The following LZTR1 variants were observed in gnomAD, a reference collection of about 807,000 sequenced individuals.
LZTR1 encodes leucine zipper like post translational regulator 1.
In LZTR1, 260 loss-of-function variants were observed where a neutral mutation model predicts 105.7. That is an observed-to-expected ratio of 2.46 (90% CI 2.22 to 2.72). LZTR1 has a LOEUF of 2.72. Ranked by LOEUF, LZTR1 falls within the 30% of genes most tolerant of loss-of-function variation. LZTR1 has a pLI of 0.00. For missense variants in LZTR1, 1,214 were observed against 1,166.9 expected (o/e 1.04, Z -0.59); for synonymous variants, 490 against 476.4 (o/e 1.03, Z -0.37).
intron 5 of LZTR1, 130 bp from the exon 6 acceptor site, chr22:20,988,659 C>T (rs1188686541): frequency 1.0e-5 from 7 of 686,252 alleles, no homozygotes. Flanking sequence ...TGTGGAGGTC[C>T]TGAAGCCCCA....
intron 11 of LZTR1, 33 bp from the exon 12 acceptor site, chr22:20,993,629 G>A (rs757663741): frequency 1.5e-5 from 24 of 1,585,972 alleles, no homozygotes; most frequent in Non-Finnish European, 1.9e-5. Context: ...CCTGCTGTCT[G>A]CAACATCTAG....
rs367767120 is a variant in LZTR1 at position 20,987,549 on chromosome 22, G to C, written c.366G>C (p.Ser122=). The C allele has an allele frequency of 6.2e-7, 1 of 1,614,060 alleles. No individual in the cohort carries two copies. The highest frequency in any genetic ancestry group is 1.1e-5 in the South Asian group (1 of 91,070). Residue 122 remains serine, a synonymous_variant, in exon 4 of 21, where the codon TCG becomes TCC. Coordinates refer to ENST00000646124, the MANE Select transcript of LZTR1 (RefSeq NM_006767.4). ...CACCGGCCCCCCGTTACCACCACTC[G>C]GCCGTCGTCTATGGGAGCAGCATGT... ...GTPPAPRYHH[S]AVVYGSSMFV...
intron 11 of LZTR1, 99 bp from the exon 12 acceptor site, chr22:20,993,563 C>A: frequency 1.0e-6 from 1 of 968,468 alleles, no homozygotes; most frequent in Non-Finnish European, 1.6e-6. Flanking sequence ...CCCTGAGGGT[C>A]AGCATGGGCC....
chr22:20,988,999 G>A, intron 6 of LZTR1, 127 bp downstream of exon 6: 1 of 790,636 alleles, frequency 1.3e-6, no homozygotes, highest in Non-Finnish European at 2.1e-6. Context: ...GTGCCACTCT[G>A]TCTGGGGGTT....
chr22:20,987,977 TG>T, intron 4 of LZTR1, 32 bp from the exon 5 acceptor site: 2 of 1,316,660 alleles, frequency 1.5e-6, no homozygotes, highest in Non-Finnish European at 2.2e-6. Context: ...GACTGCCCTT[TG>T]GGTTTGACAG....
In LZTR1 at chr22:20,992,843, T is replaced by G; in HGVS notation, c.1199T>G (p.Met400Arg). The G allele has an allele frequency of 1.2e-6, 2 of 1,610,234 alleles. No individual in the cohort carries two copies. Among genetic ancestry groups the G allele is most frequent in the Non-Finnish European group, 1.7e-6 (2 of 1,178,454 alleles). The change falls in exon 11 of 21, where the codon ATG becomes AGG. Residue 400 changes from methionine to arginine, a missense_variant. Coordinates refer to ENST00000646124, the MANE Select transcript of LZTR1 (RefSeq NM_006767.4). ...FHAAAVISDA[M>R]YIFGGTVDNN... Reference sequence around the variant, plus strand: ...GCGGCTGCTGTCATCTCGGACGCCATGTACATCTTCGGGGGCACGGTGGAC... The same window carrying G: ...GCGGCTGCTGTCATCTCGGACGCCAGGTACATCTTCGGGGGCACGGTGGAC...
intron 6 of LZTR1, 82 bp from the exon 7 acceptor site, chr22:20,989,543 C>T: frequency 1.7e-6 from 2 of 1,147,586 alleles, no homozygotes; most frequent in Non-Finnish European, 2.6e-6. Flanking sequence ...GGGCTCCTCC[C>T]TGCAGCCATC....
chr22:20,986,936 A>C (rs1317306947), intron 3 of LZTR1: 1 of 152,232 alleles, frequency 6.6e-6, no homozygotes, highest in Non-Finnish European at 1.5e-5. Flanking sequence ...ATGGAAGCCT[A>C]AGTATGCGTA....
intron 10 of LZTR1, 100 bp from the exon 11 acceptor site, chr22:20,992,694 A>G (rs910608263): frequency 8.3e-5 from 66 of 792,540 alleles, no homozygotes; most frequent in Non-Finnish European, 1.2e-4. Flanking sequence ...CTGGCCCTTC[A>G]TGGCCATGAG....
Position 20,991,597 on chromosome 22 carries a change from C to T in LZTR1, c.792-31C>T. ...CCGAGGGTGAGCAGGAGCCCCTGTCCCAGCATTGATTCACTGTTGTGTACC... is the reference window on the plus strand; with the variant it reads ...CCGAGGGTGAGCAGGAGCCCCTGTCTCAGCATTGATTCACTGTTGTGTACC... On this transcript the variant is annotated intron_variant, in intron 8 of 20. Transcript: ENST00000646124. 4 of 1,510,050 alleles carry T rather than the reference C, an allele frequency of 2.6e-6. No homozygotes were observed. The South Asian group carries it at 4.9e-5, about 19-fold the overall frequency. The allele number at this position is 1,510,050 out of a possible 1,614,324, so 93.5% of individuals were successfully genotyped here.
In LZTR1 at chr22:20,987,886, G is replaced by C. The variant is rs1164149915; in HGVS notation, c.401-124G>C. On this transcript the variant is annotated intron_variant, in intron 4 of 20. Transcript: ENST00000646124. ...GGCAGACAGGCAGCAGGTCGTTCCG[G>C]GGCTTGTGGAAGGAGTCCTGGCTTA... 3 of 684,182 alleles carry C rather than the reference G, an allele frequency of 4.4e-6. No individual in the cohort carries two copies. In the African/African-American group the frequency reaches 5.4e-5, roughly 12 times the overall value. 42.4% of individuals were successfully genotyped at this position (684,182 alleles called of 1,614,324 possible). A position where few individuals can be genotyped will look rare whatever the true frequency, so the allele number is the denominator to read the frequency against.
At chr22:20,997,146 C>A (rs1402107617) in intron 20 of LZTR1, 86 bp from the exon 21 acceptor site, 1 of 1,135,574 alleles carries the variant, frequency 8.8e-7, no homozygotes, top group Admixed American at 1.7e-5. Flanking sequence ...GAGCCCTGAG[C>A]AGGGTAGGCC....
At chr22:20,988,699 G>A (rs759060779) in intron 5 of LZTR1, 90 bp from the exon 6 acceptor site, 11 of 879,328 alleles carry the variant, frequency 1.3e-5, no homozygotes, top group Non-Finnish European at 1.9e-5. Context: ...ATGCAGCCTG[G>A]CTGTGGCCCC....
intron 16 of LZTR1, 47 bp from the exon 17 acceptor site, chr22:20,995,699 G>A (rs1924809322): frequency 1.9e-6 from 3 of 1,609,294 alleles, no homozygotes; most frequent in South Asian, 2.2e-5. Context: ...GGGGCCCCAA[G>A]GCCAGAATCC....
chr22:20,987,952 G>C, intron 4 of LZTR1, 58 bp from the exon 5 acceptor site: 2 of 1,053,258 alleles, frequency 1.9e-6, no homozygotes, highest in Non-Finnish European at 2.9e-6. Context: ...ACCTTCCAGG[G>C]TTTGAAATCT....
intron 10 of LZTR1, 70 bp from the exon 11 acceptor site, chr22:20,992,724 C>A: frequency 9.5e-7 from 1 of 1,055,342 alleles, no homozygotes; most frequent in Non-Finnish European, 1.4e-6. Flanking sequence ...CCTTGCCTTA[C>A]CTGGCTGCAC....
intron 6 of LZTR1, among the ~76,000 whole-genome samples, chr22:20,989,328 A>G (rs1399036162): frequency 1.3e-5 from 2 of 152,242 alleles, no homozygotes; most frequent in African/African-American, 4.8e-5. Context: ...GGCATCTGGG[A>G]TATCTGTGTC....
In LZTR1 at chr22:20,996,967, G is replaced by A. The variant is rs770322736; in HGVS notation, c.2406+1G>A. 2 of 1,613,532 alleles carry A rather than the reference G, an allele frequency of 1.2e-6. No homozygotes were observed. The highest frequency in any genetic ancestry group is 1.3e-5 in the African/African-American group (1 of 74,954). On this transcript the variant is annotated splice_donor_variant, in intron 20 of 20. Transcript: ENST00000646124. LOFTEE classifies it high-confidence loss of function. ...CATCATTGTGCACCAGTTCACCAAG[G>A]TCAGGGCTCTGGCCTCCCCTTCAGG...
Position 20,994,613 on chromosome 22 carries a change from CCAGTTGTGCCGCCTGGAG to C in LZTR1, c.1675_1692del (p.Leu562_Arg567del), listed in dbSNP as rs1483991498. The C allele has an allele frequency of 6.2e-7, 1 of 1,612,804 alleles. No homozygotes were observed. The highest frequency in any genetic ancestry group is 1.7e-5 in the Admixed American group (1 of 60,032). ...ATGTGTACAAACTGGCACTGAGCTT[CCAGTTGTGCCGCCTGGAG>C]CAGCTGTGCCGCCAGTACATCGAGG... is the stretch of plus-strand genomic sequence containing the variant. On this transcript the variant is annotated inframe_deletion, in exon 15 of 21. Transcript: ENST00000646124.
Sources: allele counts gnomAD v4.1 joint callset (sites outside exome capture counted in the v4.1 genomes callset), GRCh38; gene constraint gnomAD v4.1.1; transcripts MANE v1.5; gene names NCBI Gene and HGNC (gene_info 2026-07-23, HGNC 2026-07-21).